The following FAAH2 variants were observed in gnomAD, a reference collection of about 807,000 sequenced individuals.
FAAH2 encodes the protein fatty-acid amide hydrolase 2.
Under a neutral mutation model 36.9 loss-of-function variants are expected in FAAH2, and 60 were observed. That is an observed-to-expected ratio of 1.63 (90% CI 1.32 to 2.02). FAAH2 has a LOEUF of 2.02. FAAH2 is among the 30% of genes most tolerant of loss of function. The pLI is 0.00. For missense variants in FAAH2, 689 were observed against 397.5 expected (o/e 1.73, Z -6.23); for synonymous variants, 214 against 143.8 (o/e 1.49, Z -3.49).
At chrX:57,150,977 A>C in the FAAH2 span, among the ~76,000 whole-genome samples, 1 of 111,684 alleles carries the variant, frequency 9.0e-6, no homozygotes, top group Admixed American at 9.5e-5. Flanking sequence ...ATCTCTCAGC[A>C]TTTGCTTGTC....
rs181368698 is a variant in FAAH2, at chrX:57,301,915, G to A, written c.276-8678G>A. 1.3e-3 allele frequency among the ~76,000 whole-genome samples: 146 copies of A among 111,801 alleles called. No individual in the cohort carries two copies. In the Middle Eastern group the frequency reaches 0.018, roughly 14 times the overall value. On this transcript the variant is annotated intron_variant, in intron 2 of 10. Transcript: ENST00000374900. ...ATGTGTTTAGACAATGTTTGTTTTG[G>A]AGCTCCTGAATGCAGTTTCGTCTTA...
At chrX:57,347,236 T>A (rs1295296079) in intron 5 of FAAH2, among the ~76,000 whole-genome samples, 1 of 112,195 alleles carries the variant, frequency 8.9e-6, no homozygotes, top group African/African-American at 3.2e-5. Context: ...AATCTCATAT[T>A]TCTTGGAGGT....
At chrX:57,240,348 C>A in the FAAH2 span, among the ~76,000 whole-genome samples, 2 of 111,352 alleles carry the variant, frequency 1.8e-5, no homozygotes, top group African/African-American at 6.5e-5. Context: ...TAGATGGTAC[C>A]AGGCCTGTGA....
the FAAH2 span, among the ~76,000 whole-genome samples, chrX:57,197,878 T>C: frequency 5.3e-5 from 6 of 112,296 alleles, no homozygotes; most frequent in Non-Finnish European, 1.1e-4. Context: ...GAACTTGTTA[T>C]GTGAACAGAC....
In FAAH2 at chrX:57,394,643, G is replaced by T. The variant is rs755289021; in HGVS notation, c.996+13614G>T. 8 of 996,293 alleles carry T rather than the reference G, an allele frequency of 8.0e-6. No individual in the cohort carries two copies. The South Asian group carries it at 1.5e-4, about 19-fold the overall frequency. 82.1% of individuals were successfully genotyped at this position (996,293 alleles called of 1,213,427 possible). Reference sequence around the variant, plus strand: ...CCCTAAGCCACCAGGAACGGGCCTCGTCGTATGCCACATCACCCACAACTT... The same window carrying T: ...CCCTAAGCCACCAGGAACGGGCCTCTTCGTATGCCACATCACCCACAACTT... On this transcript the variant is annotated intron_variant, in intron 7 of 10. Coordinates refer to ENST00000374900, the MANE Select transcript of FAAH2 (RefSeq NM_174912.4).
chrX:57,260,868 C>T, the FAAH2 span, among the ~76,000 whole-genome samples: 5 of 110,684 alleles, frequency 4.5e-5, no homozygotes, highest in South Asian at 3.8e-4. Flanking sequence ...ACTCACAAGG[C>T]GGCTAAAAAG....
At chrX:57,197,140 TC>T in the FAAH2 span, among the ~76,000 whole-genome samples, 1 of 111,987 alleles carries the variant, frequency 8.9e-6, no homozygotes, top group Non-Finnish European at 1.9e-5. Context: ...CTGAAGTTCT[TC>T]CTTCTACTTG....
chrX:57,224,591 G>T, the FAAH2 span, among the ~76,000 whole-genome samples: 1 of 111,781 alleles, frequency 8.9e-6, no homozygotes, highest in African/African-American at 3.3e-5. Context: ...GAAAAGGGCC[G>T]GCCAGAAGAC....
Position 57,380,506 on chromosome X carries a change from A to G in FAAH2, c.879-406A>G, listed in dbSNP as rs758273060. Among the ~76,000 whole-genome samples, 3 of 112,264 alleles carry G rather than the reference A, an allele frequency of 2.7e-5. No individual in the cohort carries two copies. The South Asian group carries it at 1.1e-3, about 41-fold the overall frequency. ...GTGACTGGATGACCAAAATCAACCC[A>G]GTTGCTAAAGCCTCATTTCCGATTT... On this transcript the variant is annotated intron_variant, in intron 6 of 10. Coordinates refer to ENST00000374900, the MANE Select transcript of FAAH2 (RefSeq NM_174912.4).
the FAAH2 span, among the ~76,000 whole-genome samples, chrX:57,193,430 G>A: frequency 8.9e-6 from 1 of 111,925 alleles, no homozygotes; most frequent in African/African-American, 3.2e-5. Flanking sequence ...CTGTGGTCCT[G>A]TGATCTCACC....
intron 10 of FAAH2, among the ~76,000 whole-genome samples, chrX:57,488,423 A>C (rs1381762343): frequency 8.9e-6 from 1 of 111,769 alleles, no homozygotes; most frequent in East Asian, 2.8e-4. Context: ...AAATAACGTC[A>C]TGTGAAAGAA....
Position 57,448,709 on chromosome X carries a change from G to C in FAAH2, c.1414G>C (p.Ala472Pro). Reference sequence around the variant, plus strand: ...CCCTCTAACACGGCCTTTCAACTTTGCTTACACAGGTACCTAATTGTATTC... The same window carrying C: ...CCCTCTAACACGGCCTTTCAACTTTCCTTACACAGGTACCTAATTGTATTC... ...HVPLTRPFNF[A>P]YTGVFSALGL... Residue 472 changes from alanine to proline, a missense_variant, in exon 10 of 11, where the codon GCT (alanine) becomes CCT (proline). Transcript: ENST00000374900. The C allele has an allele frequency of 8.3e-7, 1 of 1,200,875 alleles. No individual in the cohort carries two copies. The highest frequency in any genetic ancestry group is 1.1e-6 in the Non-Finnish European group (1 of 887,220).
At chrX:57,236,738 A>G in the FAAH2 span, among the ~76,000 whole-genome samples, 1 of 111,206 alleles carries the variant, frequency 9.0e-6, no homozygotes, top group African/African-American at 3.3e-5. Flanking sequence ...TGAGTTCGTT[A>G]TATATCATGA....
chrX:57,301,755 G>A (rs2052379182), intron 2 of FAAH2, among the ~76,000 whole-genome samples: 1 of 111,270 alleles, frequency 9.0e-6, no homozygotes, highest in African/African-American at 3.3e-5. Context: ...TAGTCATTTT[G>A]GTGTTGGTTG....
chrX:57,386,250 G>A (rs1048132074), intron 7 of FAAH2, among the ~76,000 whole-genome samples: 2 of 111,534 alleles, frequency 1.8e-5, no homozygotes, highest in Admixed American at 9.5e-5. Flanking sequence ...CCTATTATAA[G>A]AGAAATACCA....
chrX:57,366,814 G>T (rs1372254817), intron 5 of FAAH2, among the ~76,000 whole-genome samples: 1 of 112,361 alleles, frequency 8.9e-6, no homozygotes, highest in East Asian at 2.8e-4. Flanking sequence ...AGATAAGGGG[G>T]AGCTCAGATC....
chrX:57,313,223 C>A (rs2052743921), intron 3 of FAAH2, among the ~76,000 whole-genome samples: 1 of 110,574 alleles, frequency 9.0e-6, no homozygotes, highest in African/African-American at 3.3e-5. Context: ...ATGAATGAAA[C>A]CTCCAAGAAA....
chrX:57,347,027 A>T (rs1187187790), intron 5 of FAAH2, among the ~76,000 whole-genome samples: 1 of 111,101 alleles, frequency 9.0e-6, no homozygotes, highest in African/African-American at 3.3e-5. Context: ...GGTGAATCTG[A>T]TGGCTATGTT....
chrX:57,361,029 G>T (rs998400599), intron 5 of FAAH2, among the ~76,000 whole-genome samples: 2 of 111,557 alleles, frequency 1.8e-5, no homozygotes, highest in Non-Finnish European at 3.8e-5. Flanking sequence ...TGGTTGCATA[G>T]TATTCCATGG....
Sources: gnomAD v4.1 joint callset for allele counts (sites outside exome capture counted in the v4.1 genomes callset) on GRCh38, gnomAD v4.1.1 for gene constraint, MANE v1.5 for transcripts, NCBI Gene and HGNC (gene_info 2026-07-23, HGNC 2026-07-21) for gene names.